Variants in LGSN observed in about 807,000 individuals in gnomAD.
The protein encoded by LGSN is lengsin.
LGSN carries 21 observed loss-of-function variants against 19.5 expected under a neutral mutation model. The observed-to-expected ratio is 1.07, with a 90% CI of 0.76 to 1.55. The LOEUF is 1.55. Ranked by LOEUF, LGSN falls within the 40% of genes most tolerant of loss-of-function variation. The probability of loss-of-function intolerance (pLI) is 0.00; values close to 1 mark genes in which losing one functional copy is unlikely to be tolerated. For missense variants in LGSN, 673 were observed against 608.5 expected, an observed-to-expected ratio of 1.11 and a Z score of -1.12; for synonymous variants, 257 against 215.6, an observed-to-expected ratio of 1.19 and a Z score of -1.68.
chr6:63,312,067 T>C (rs944883686), intron 1 of LGSN, among the ~76,000 whole-genome samples: 11 of 152,144 alleles, frequency 7.2e-5, no homozygotes, highest in Non-Finnish European at 1.2e-4. Flanking sequence ...TGACAGAAAA[T>C]TTTATTTGGC....
chr6:63,331,145 G>A, the LGSN span, among the ~76,000 whole-genome samples: 1 of 152,130 alleles, frequency 6.6e-6, no homozygotes, highest in African/African-American at 2.4e-5. Flanking sequence ...ATTAGAGGAG[G>A]ATTATCATTA....
chr6:63,426,610 G>T, the LGSN span, among the ~76,000 whole-genome samples: 1 of 152,116 alleles, frequency 6.6e-6, no homozygotes, highest in Non-Finnish European at 1.5e-5. Flanking sequence ...CACCTCCCAG[G>T]TTCAAGTAAT....
At chr6:63,286,513 G>A (rs1318852099) in intron 2 of LGSN, among the ~76,000 whole-genome samples, 2 of 152,094 alleles carry the variant, frequency 1.3e-5, no homozygotes, top group African/African-American at 4.8e-5. Context: ...TAACCAACTC[G>A]TTAGCTTGAG....
the LGSN span, among the ~76,000 whole-genome samples, chr6:63,506,195 A>G: frequency 1.3e-5 from 2 of 152,130 alleles, no homozygotes; most frequent in Non-Finnish European, 2.9e-5. Flanking sequence ...TTTTGATTAC[A>G]TATTGATTTT....
intron 1 of LGSN, among the ~76,000 whole-genome samples, chr6:63,313,247 T>C (rs984245009): frequency 6.6e-6 from 1 of 152,024 alleles, no homozygotes; most frequent in Non-Finnish European, 1.5e-5. Flanking sequence ...ATAAGATTGT[T>C]ATTAATACTT....
At chr6:63,358,286 T>G in the LGSN span, among the ~76,000 whole-genome samples, 1 of 152,258 alleles carries the variant, frequency 6.6e-6, no homozygotes, top group South Asian at 2.1e-4. Context: ...AGCTTTGTTC[T>G]TTTGGCTTAG....
the LGSN span, among the ~76,000 whole-genome samples, chr6:63,476,085 T>C: frequency 1.3e-5 from 2 of 152,364 alleles, no homozygotes; most frequent in East Asian, 3.9e-4. Context: ...TTTGTTTGTT[T>C]TGTTTTGTTT....
the LGSN span, among the ~76,000 whole-genome samples, chr6:63,461,583 C>A: frequency 2.6e-5 from 4 of 152,170 alleles, no homozygotes; most frequent in African/African-American, 9.7e-5. Flanking sequence ...TTTACATGAT[C>A]TAGTTTAATT....
the LGSN span, among the ~76,000 whole-genome samples, chr6:63,488,333 GAA>G: frequency 6.6e-6 from 1 of 152,146 alleles, no homozygotes; most frequent in Non-Finnish European, 1.5e-5. Context: ...TTGCAAGTGA[GAA>G]AAGAGAAGGT....
chr6:63,412,599 GAGGGAAAGAA>G, the LGSN span, among the ~76,000 whole-genome samples: 1 of 141,438 alleles, frequency 7.1e-6, no homozygotes, highest in Non-Finnish European at 1.5e-5. Flanking sequence ...GGCAAAGAAA[GAGGGAAAGAA>G]AGGGAAAGGG....
At chr6:63,537,358 T>C in the LGSN span, among the ~76,000 whole-genome samples, 47 of 152,294 alleles carry the variant, frequency 3.1e-4, no homozygotes, top group Admixed American at 7.8e-4. Context: ...CTACAGGTGA[T>C]TCTAAAGCAG....
At chr6:63,368,863 C>T in the LGSN span, among the ~76,000 whole-genome samples, 1 of 152,140 alleles carries the variant, frequency 6.6e-6, no homozygotes, top group East Asian at 1.9e-4. Context: ...ACACATACCC[C>T]ATCAGTATTC....
chr6:63,437,987 C>T, the LGSN span, among the ~76,000 whole-genome samples: 9 of 152,244 alleles, frequency 5.9e-5, no homozygotes, highest in African/African-American at 1.2e-4. Flanking sequence ...AGTCTCTCTC[C>T]GTACTCTAAT....
chr6:63,423,979 G>A, the LGSN span, among the ~76,000 whole-genome samples: 8 of 152,290 alleles, frequency 5.3e-5, no homozygotes, highest in African/African-American at 1.9e-4. Context: ...GGCGGAGGTT[G>A]CAGTGAGCCA....
chr6:63,494,043 G>A, the LGSN span, among the ~76,000 whole-genome samples: 3 of 149,206 alleles, frequency 2.0e-5, no homozygotes, highest in African/African-American at 5.0e-5. Context: ...TCTGCCTCCC[G>A]GGTTCAAGTG....
chr6:63,391,546 C>T, the LGSN span, among the ~76,000 whole-genome samples: 2 of 152,206 alleles, frequency 1.3e-5, no homozygotes. Context: ...TGCCTTCTCT[C>T]CACCTCAAGG....
the LGSN span, among the ~76,000 whole-genome samples, chr6:63,407,784 T>C: frequency 6.6e-6 from 1 of 152,110 alleles, no homozygotes; most frequent in Non-Finnish European, 1.5e-5. Context: ...AAAACCCTAT[T>C]GTCTCAGCCC....
chr6:63,460,930 A>G, the LGSN span, among the ~76,000 whole-genome samples: 5 of 152,214 alleles, frequency 3.3e-5, no homozygotes, highest in African/African-American at 9.6e-5. Context: ...AAATGTGTAT[A>G]GTACCACAGG....
At chr6:63,309,919 T>C (rs1361398053) in intron 1 of LGSN, among the ~76,000 whole-genome samples, 1 of 152,212 alleles carries the variant, frequency 6.6e-6, no homozygotes, top group East Asian at 1.9e-4. Context: ...TGCCATGTTA[T>C]TTTTCTATAA....
Sources: gnomAD v4.1 joint callset for allele counts (sites outside exome capture counted in the v4.1 genomes callset) on GRCh38, gnomAD v4.1.1 for gene constraint, MANE v1.5 for transcripts, NCBI Gene and HGNC (gene_info 2026-07-23, HGNC 2026-07-21) for gene names.